The following ACTR3C variants were observed in gnomAD, a reference collection of about 807,000 sequenced individuals.
ACTR3C encodes actin related protein 3C, also known as actin-related protein 3C.
In ACTR3C, 18 loss-of-function variants were observed where a neutral mutation model predicts 26.3. The observed-to-expected ratio is 0.68, with a 90% CI of 0.47 to 1.01. The LOEUF (loss-of-function observed/expected upper bound fraction) is 1.01. ACTR3C is among the 50% of genes least tolerant of loss of function. The pLI, the probability that ACTR3C is intolerant of heterozygous loss-of-function variation, is 0.00. For synonymous variants in ACTR3C, 55 were observed against 94.5 expected (o/e 0.58, Z 2.42); for missense variants, 184 against 250.7 (o/e 0.73, Z 1.80).
the ACTR3C span, among the ~76,000 whole-genome samples, chr7:150,152,623 G>A: frequency 0.044 from 6,697 of 152,206 alleles, 342 homozygotes; most frequent in East Asian, 0.19. Context: ...GTCTCTGCCC[G>A]GCTTTGGTAT....
chr7:150,001,225 C>T, the ACTR3C span: 1 of 152,232 alleles, frequency 6.6e-6, no homozygotes, highest in South Asian at 2.1e-4. Context: ...GCTAAAGCTT[C>T]CCCTTTCTAC....
At chr7:149,936,362 T>C in the ACTR3C span, among the ~76,000 whole-genome samples, 1 of 152,314 alleles carries the variant, frequency 6.6e-6, no homozygotes, top group Non-Finnish European at 1.5e-5. Flanking sequence ...CTCACGGCCA[T>C]GTGTCCTCCA....
intron 1 of ACTR3C, among the ~76,000 whole-genome samples, chr7:150,296,255 G>GT (rs1408408876): frequency 2.0e-5 from 3 of 149,890 alleles, no homozygotes; most frequent in East Asian, 3.9e-4. Context: ...GGGGGCTGAG[G>GT]TAGGACCACT....
the ACTR3C span, among the ~76,000 whole-genome samples, chr7:149,959,528 A>G: frequency 2.6e-5 from 4 of 152,152 alleles, no homozygotes; most frequent in African/African-American, 9.7e-5. Flanking sequence ...TTGTAAAGAG[A>G]AAGGCATGTA....
At chr7:150,162,681 C>A in the ACTR3C span, among the ~76,000 whole-genome samples, 1 of 152,330 alleles carries the variant, frequency 6.6e-6, no homozygotes, top group Admixed American at 6.5e-5. Context: ...TCATAAGCCT[C>A]TGACATCCAT....
chr7:150,207,968 T>C, the ACTR3C span, among the ~76,000 whole-genome samples: 996 of 152,224 alleles, frequency 6.5e-3, 6 homozygotes, highest in Non-Finnish European at 9.8e-3. Flanking sequence ...TTTTCACTTC[T>C]AGTCAAAATA....
downstream of ACTR3C, among the ~76,000 whole-genome samples, chr7:150,242,855 C>T (rs1412579642): frequency 6.6e-5 from 10 of 152,068 alleles, no homozygotes; most frequent in Admixed American, 6.5e-4. Flanking sequence ...TGTTTTCATT[C>T]CAAATACTGC....
the ACTR3C span, among the ~76,000 whole-genome samples, chr7:150,049,475 C>T: frequency 6.6e-6 from 1 of 152,232 alleles, no homozygotes; most frequent in East Asian, 1.9e-4. Context: ...GGCTTCATCT[C>T]CCAGGACTGC....
chr7:150,160,803 G>C, the ACTR3C span, among the ~76,000 whole-genome samples: 1 of 151,472 alleles, frequency 6.6e-6, no homozygotes, highest in African/African-American at 2.4e-5. Flanking sequence ...CCCAGAGAAG[G>C]CACCCTACAG....
chr7:150,067,697 C>T, the ACTR3C span, among the ~76,000 whole-genome samples: 1 of 148,690 alleles, frequency 6.7e-6, no homozygotes, highest in East Asian at 2.0e-4. Flanking sequence ...AAGCCACCTT[C>T]AAAGGCAGCC....
the ACTR3C span, among the ~76,000 whole-genome samples, chr7:149,940,166 T>G: frequency 6.6e-6 from 1 of 152,362 alleles, no homozygotes; most frequent in African/African-American, 2.4e-5. Flanking sequence ...TATACCTCCA[T>G]TAAATTCAAG....
At chr7:150,252,170 A>G (rs56723287) in intron 6 of ACTR3C, among the ~76,000 whole-genome samples, 28,004 of 151,444 alleles carry the variant, frequency 0.18, 4,396 homozygotes, top group African/African-American at 0.42. Context: ...GTGTGTGTGC[A>G]ATGAAAGAAA....
the ACTR3C span, among the ~76,000 whole-genome samples, chr7:149,896,030 T>C: frequency 1.7e-5 from 1 of 60,558 alleles, no homozygotes; most frequent in African/African-American, 7.0e-5. Context: ...AAAACCTGTC[T>C]CTACAAAAAA....
chr7:149,919,755 T>A, the ACTR3C span, among the ~76,000 whole-genome samples: 1 of 152,244 alleles, frequency 6.6e-6, no homozygotes, highest in African/African-American at 2.4e-5. Flanking sequence ...CTATTTTATT[T>A]GGTTGCTTTT....
the ACTR3C span, among the ~76,000 whole-genome samples, chr7:150,065,326 G>A: frequency 6.6e-6 from 1 of 152,186 alleles, no homozygotes; most frequent in Non-Finnish European, 1.5e-5. Flanking sequence ...AGTAATTATT[G>A]TATTATTGCA....
intron 3 of ACTR3C, among the ~76,000 whole-genome samples, chr7:150,292,361 T>C (rs1836338928): frequency 6.6e-6 from 1 of 152,176 alleles, no homozygotes. Context: ...ATAATTCCTT[T>C]AAATAGTCCA....
chr7:150,099,892 A>G, the ACTR3C span, among the ~76,000 whole-genome samples: 1 of 151,706 alleles, frequency 6.6e-6, no homozygotes, highest in African/African-American at 2.4e-5. Flanking sequence ...GGGAGGTCGC[A>G]GTGGCCTCTA....
chr7:150,218,370 C>A, the ACTR3C span, among the ~76,000 whole-genome samples: 3 of 152,238 alleles, frequency 2.0e-5, no homozygotes, highest in South Asian at 4.1e-4. Flanking sequence ...AGAAAAGGAA[C>A]TGAATATTTT....
chr7:149,933,059 G>A, the ACTR3C span, among the ~76,000 whole-genome samples: 1 of 125,956 alleles, frequency 7.9e-6, no homozygotes, highest in Non-Finnish European at 1.7e-5. Context: ...TCTGAGGACA[G>A]CTGGCAGGAA....
Sources: allele counts gnomAD v4.1 joint callset (sites outside exome capture counted in the v4.1 genomes callset), GRCh38; gene constraint gnomAD v4.1.1; transcripts MANE v1.5; gene names NCBI Gene and HGNC (gene_info 2026-07-23, HGNC 2026-07-21).